The following GRIN3A variants were observed in gnomAD, a reference collection of about 807,000 sequenced individuals.
GRIN3A encodes glutamate ionotropic receptor NMDA type subunit 3A.
Under a neutral mutation model 92.4 loss-of-function variants are expected in GRIN3A, and 47 were observed. The observed-to-expected ratio is 0.51, with a 90% CI of 0.40 to 0.65. The LOEUF (loss-of-function observed/expected upper bound fraction) is 0.65. Ranked by LOEUF, GRIN3A falls within the 30% of genes least tolerant of loss-of-function variation. The pLI is 0.00. For synonymous variants in GRIN3A, 527 were observed against 540.6 expected (o/e 0.97, Z 0.35); for missense variants, 1,324 against 1,393.1 (o/e 0.95, Z 0.79).
chr9:101,613,340 T>C, intron 6 of GRIN3A, 36 bp downstream of exon 6: 1 of 1,611,910 alleles, frequency 6.2e-7, no homozygotes, highest in Non-Finnish European at 8.5e-7. Flanking sequence ...GGTACAGCTA[T>C]ACAACGTGTC....
At chr9:101,598,152 AT>A (rs1363894461) in intron 6 of GRIN3A, among the ~76,000 whole-genome samples, 1 of 152,202 alleles carries the variant, frequency 6.6e-6, no homozygotes. Flanking sequence ...ATATATTTAT[AT>A]TAACCCAATA....
At chr9:101,645,671 T>G (rs899474805) in intron 3 of GRIN3A, among the ~76,000 whole-genome samples, 1 of 149,056 alleles carries the variant, frequency 6.7e-6, no homozygotes, top group Middle Eastern at 3.5e-3. Context: ...CTCTGCATCC[T>G]TGATGGCATA....
rs1829539575 is a variant in GRIN3A at position 101,686,677 on chromosome 9, G to T, written c.1223C>A (p.Pro408Gln). ...RAVATATMIQ[P>Q]ELALIPSTMN... ...CGTGCTGGGAATGAGAGCAAGTTCT[G>T]GTTGGATCATGGTGGCTGTGGCTAC... Residue 408 changes from proline (P) to glutamine (Q), a missense_variant, in exon 2 of 9, where the codon CCA becomes CAA. Coordinates refer to ENST00000361820, the MANE Select transcript of GRIN3A (RefSeq NM_133445.3). 6.2e-7 allele frequency: 1 copy of T among 1,614,036 alleles called. No individual in the cohort carries two copies. The highest frequency in any genetic ancestry group is 1.1e-5 in the South Asian group (1 of 91,088).
At position 101,613,345 on chromosome 9, in the gene GRIN3A, C is replaced by T. The variant is rs375979433; in HGVS notation, c.2766+31G>A. On this transcript the variant is annotated intron_variant, in intron 6 of 8. Coordinates refer to ENST00000361820, the MANE Select transcript of GRIN3A (RefSeq NM_133445.3). The stretch of plus-strand genomic sequence containing the variant: ...TGTTCTCTGAGGTACAGCTATACAA[C>T]GTGTCACCATTTTCAACAGTCTTTC... 48 of 1,612,494 alleles carry T rather than the reference C, an allele frequency of 3.0e-5. No homozygotes were observed. The African/African-American group carries it at 3.1e-4, about 10-fold the overall frequency.
chr9:101,638,353 G>A (rs555338164), intron 3 of GRIN3A, among the ~76,000 whole-genome samples: 1 of 152,270 alleles, frequency 6.6e-6, no homozygotes, highest in Admixed American at 6.5e-5. Flanking sequence ...TTTCATGCAA[G>A]TCATTTTGTT....
chr9:101,584,914 T>C (rs1827931473), intron 6 of GRIN3A, among the ~76,000 whole-genome samples: 2 of 152,322 alleles, frequency 1.3e-5, no homozygotes, highest in African/African-American at 2.4e-5. Flanking sequence ...GTTTCACTCA[T>C]CATTTGTTTT....
intron 8 of GRIN3A, among the ~76,000 whole-genome samples, chr9:101,576,370 C>T (rs1373443916): frequency 1.3e-5 from 2 of 152,068 alleles, no homozygotes; most frequent in East Asian, 3.9e-4. Flanking sequence ...GAAATGTGAG[C>T]CCAAGCTAAA....
rs1388154815 is a variant in GRIN3A at position 101,613,445 on chromosome 9, A to T, written c.2697T>A (p.Phe899Leu). 1.2e-6 allele frequency: 2 copies of T among 1,614,190 alleles called. No individual in the cohort carries two copies. The highest frequency in any genetic ancestry group is 1.7e-6 in the Non-Finnish European group (2 of 1,180,012). Residue 899 changes from phenylalanine to leucine, a missense_variant, in exon 6 of 9, where the codon TTT becomes TTA. By Grantham distance (22) the Phe-to-Leu change is conservative. Transcript: ENST00000361820. ...ELISQYKSHG[F>L]MDMLHDKWYR... ...ACCACTTGTCATGGAGCATATCCAT[A>T]AACCCATGTGACTTGTATTGACTGA...
chr9:101,715,545 G>C (rs1829934123), intron 1 of GRIN3A, among the ~76,000 whole-genome samples: 1 of 151,950 alleles, frequency 6.6e-6, no homozygotes, highest in African/African-American at 2.4e-5. Flanking sequence ...CTGGATAGTG[G>C]GATTAAAATT....
At chr9:101,652,685 C>T (rs1211563201) in intron 3 of GRIN3A, among the ~76,000 whole-genome samples, 1 of 152,020 alleles carries the variant, frequency 6.6e-6, no homozygotes, top group Non-Finnish European at 1.5e-5. Flanking sequence ...ACACCTTGGA[C>T]TGGTGCAGCC....
rs190905799 is a variant in GRIN3A, at chr9:101,676,361, T to C, written c.1305-5254A>G. On this transcript the variant is annotated intron_variant, in intron 2 of 8. Transcript: ENST00000361820. ...TTAATCATATCTGTCTATGTGAATA[T>C]CTATTTTGTACTACAAGGCCTTAAA... Among the ~76,000 whole-genome samples, 245 of 152,108 alleles carry C rather than the reference T, an allele frequency of 1.6e-3. 6 individuals are homozygous for C. Among genetic ancestry groups the C allele is most frequent in the Admixed American group, 0.016 (238 of 15,258 alleles).
intron 3 of GRIN3A, among the ~76,000 whole-genome samples, chr9:101,662,131 T>G (rs1237170534): frequency 6.6e-6 from 1 of 151,766 alleles, no homozygotes; most frequent in Non-Finnish European, 1.5e-5. Flanking sequence ...CAGAGTGAAC[T>G]AAGAAAGAAA....
intron 3 of GRIN3A, among the ~76,000 whole-genome samples, chr9:101,634,973 G>C (rs548325274): frequency 3.0e-4 from 45 of 152,164 alleles, no homozygotes; most frequent in Non-Finnish European, 5.9e-4. Context: ...GAATGTTGCT[G>C]AGGTCCACCC....
At chr9:101,669,257 A>C (rs911842322) in intron 3 of GRIN3A, among the ~76,000 whole-genome samples, 2 of 152,044 alleles carry the variant, frequency 1.3e-5, no homozygotes, top group African/African-American at 2.4e-5. Context: ...TCTGTACCCC[A>C]GCTCACTTAG....
chr9:101,604,479 T>A (rs1380413306), intron 6 of GRIN3A, among the ~76,000 whole-genome samples: 1 of 152,204 alleles, frequency 6.6e-6, no homozygotes, highest in Non-Finnish European at 1.5e-5. Flanking sequence ...GCTTAAATAT[T>A]AAACTTAATT....
At chr9:101,662,009 C>T (rs1303613414) in intron 3 of GRIN3A, among the ~76,000 whole-genome samples, 1 of 151,492 alleles carries the variant, frequency 6.6e-6, no homozygotes, top group Non-Finnish European at 1.5e-5. Context: ...ATTACTGTTA[C>T]TATTCTTTAT....
At chr9:101,629,790 C>T (rs145151742) in intron 3 of GRIN3A, among the ~76,000 whole-genome samples, 183 of 152,256 alleles carry the variant, frequency 1.2e-3, no homozygotes, top group Middle Eastern at 3.4e-3. Flanking sequence ...TTGTTACTTC[C>T]TCTTAGGGAT....
intron 6 of GRIN3A, among the ~76,000 whole-genome samples, chr9:101,597,013 G>T (rs1395802342): frequency 6.6e-6 from 1 of 152,206 alleles, no homozygotes; most frequent in East Asian, 1.9e-4. Context: ...GCCCTGCAAG[G>T]AGTTGGGCCC....
chr9:101,595,692 T>C (rs1828116761), intron 6 of GRIN3A, among the ~76,000 whole-genome samples: 1 of 152,184 alleles, frequency 6.6e-6, no homozygotes, highest in Admixed American at 6.5e-5. Context: ...TCCCGAGGAA[T>C]ATAAACAATG....
Sources: allele counts gnomAD v4.1 joint callset (sites outside exome capture counted in the v4.1 genomes callset), GRCh38; gene constraint gnomAD v4.1.1; transcripts MANE v1.5; gene names NCBI Gene and HGNC (gene_info 2026-07-23, HGNC 2026-07-21).